FAM135B: variants seen among roughly 807,000 people sequenced by gnomAD.
The protein encoded by FAM135B is protein FAM135B.
FAM135B carries 43 observed loss-of-function variants against 127.7 expected under a neutral mutation model. The ratio of observed to expected loss-of-function variants is 0.34; its 90% confidence interval spans 0.26 to 0.43. FAM135B has a LOEUF of 0.43. Among genes scored for constraint, FAM135B ranks in the 20% least tolerant of loss-of-function variants. The pLI is 1.00. For synonymous variants in FAM135B, 670 were observed against 665.1 expected (o/e 1.01, Z -0.11); for missense variants, 1,558 against 1,725.6 (o/e 0.90, Z 1.72).
At chr8:138,348,501 T>C (rs1829566214) in intron 2 of FAM135B, among the ~76,000 whole-genome samples, 1 of 152,260 alleles carries the variant, frequency 6.6e-6, no homozygotes. Flanking sequence ...ATAAACACTT[T>C]ATAAACAACA....
rs1832560541 is a variant in FAM135B at position 138,391,315 on chromosome 8, A to AG, written c.-19-23314dup. 5.9e-5 allele frequency among the ~76,000 whole-genome samples: 9 copies of AG among 152,144 alleles called. No individual in the cohort carries two copies. In the South Asian group the frequency reaches 1.9e-3, roughly 32 times the overall value. On this transcript the variant is annotated intron_variant, in intron 1 of 19. Transcript: ENST00000395297. ...TTTACAGAGGAGGATCCAGGGCTAC[A>AG]GAGCCCCCAGGACTGGCCTCTCCCC...
chr8:138,449,076 G>A (rs1309568356), intron 1 of FAM135B, among the ~76,000 whole-genome samples: 3 of 151,966 alleles, frequency 2.0e-5, no homozygotes, highest in Non-Finnish European at 2.9e-5. Context: ...ATAAATTGAC[G>A]CCACATCAGG....
intron 1 of FAM135B, among the ~76,000 whole-genome samples, chr8:138,464,509 C>T (rs1218082163): frequency 6.6e-6 from 1 of 152,198 alleles, no homozygotes; most frequent in Non-Finnish European, 1.5e-5. Flanking sequence ...TCTCCATAGA[C>T]AGAGTCCTCT....
At chr8:138,277,983 T>G (rs2130721202) in intron 3 of FAM135B, among the ~76,000 whole-genome samples, 1 of 152,198 alleles carries the variant, frequency 6.6e-6, no homozygotes, top group East Asian at 2.0e-4. Context: ...TCCTCATTAG[T>G]GTCACCTGTT....
rs189828958 is a variant in FAM135B, at chr8:138,303,723, T to C, written c.157+7118A>G. Among the ~76,000 whole-genome samples the C allele has an allele frequency of 1.1e-3, 167 of 152,340 alleles. 2 individuals are homozygous for C. The East Asian group carries it at 0.026, about 24-fold the overall frequency. ...GGCAGGGGGTGGTGCAAGGCTGTGG[T>C]GTCCTGGTGCGTGCACCTGTGCATG... is the stretch of plus-strand genomic sequence containing the variant. On this transcript the variant is annotated intron_variant, in intron 3 of 19. Coordinates refer to ENST00000395297, the MANE Select transcript of FAM135B (RefSeq NM_015912.4).
chr8:138,215,714 A>G (rs1818491998), intron 7 of FAM135B, among the ~76,000 whole-genome samples: 1 of 152,232 alleles, frequency 6.6e-6, no homozygotes, highest in Non-Finnish European at 1.5e-5. Context: ...ATACATCAAT[A>G]ATAATTGTCA....
chr8:138,427,053 T>C (rs897920499), intron 1 of FAM135B, among the ~76,000 whole-genome samples: 1 of 151,954 alleles, frequency 6.6e-6, no homozygotes, highest in Non-Finnish European at 1.5e-5. Context: ...AGAAAAAATA[T>C]ATACTGTCTG....
chr8:138,349,898 T>C (rs1829664264), intron 2 of FAM135B, among the ~76,000 whole-genome samples: 1 of 152,216 alleles, frequency 6.6e-6, no homozygotes, highest in Admixed American at 6.5e-5. Context: ...AGACAAATTA[T>C]GGGATAAACA....
intron 7 of FAM135B, among the ~76,000 whole-genome samples, chr8:138,236,556 G>C (rs1251572136): frequency 4.6e-5 from 7 of 152,240 alleles, no homozygotes; most frequent in Admixed American, 3.3e-4. Flanking sequence ...CAGGCTCACT[G>C]ATTTAAAACT....
chr8:138,250,684 T>C (rs1480844416), intron 6 of FAM135B, among the ~76,000 whole-genome samples, 157 bp downstream of exon 6: 2 of 152,026 alleles, frequency 1.3e-5, no homozygotes, highest in Non-Finnish European at 2.9e-5. Flanking sequence ...CTCCTTCCTC[T>C]CTCGCATGCT....
chr8:138,288,034 A>C (rs1028729088), intron 3 of FAM135B, among the ~76,000 whole-genome samples: 6 of 152,234 alleles, frequency 3.9e-5, no homozygotes, highest in Admixed American at 6.5e-5. Flanking sequence ...TGAAATTACC[A>C]CATAATTATC....
chr8:138,444,387 C>G (rs1835983109), intron 1 of FAM135B, among the ~76,000 whole-genome samples: 1 of 152,124 alleles, frequency 6.6e-6, no homozygotes, highest in African/African-American at 2.4e-5. Flanking sequence ...CCAAAATTGA[C>G]CACATAGTTG....
intron 3 of FAM135B, among the ~76,000 whole-genome samples, chr8:138,293,040 T>A (rs943347232): frequency 2.0e-5 from 3 of 152,134 alleles, no homozygotes; most frequent in Non-Finnish European, 4.4e-5. Context: ...ATGGTACTGC[T>A]ATAAAAGCAG....
chr8:138,434,699 T>G (rs569196300), intron 1 of FAM135B, among the ~76,000 whole-genome samples: 1 of 152,344 alleles, frequency 6.6e-6, no homozygotes, highest in Non-Finnish European at 1.5e-5. Context: ...TACTGTCATC[T>G]TAGGACACTG....
chr8:138,153,273 T>C, intron 12 of FAM135B, 57 bp from the exon 13 acceptor site: 1 of 1,355,760 alleles, frequency 7.4e-7, no homozygotes, highest in Non-Finnish European at 9.9e-7. Flanking sequence ...TGTTTACAAG[T>C]TATCCAAATG....
intron 1 of FAM135B, among the ~76,000 whole-genome samples, chr8:138,432,471 C>T (rs558467122): frequency 1.3e-5 from 2 of 152,112 alleles, no homozygotes; most frequent in East Asian, 3.9e-4. Flanking sequence ...TCATGGTCTT[C>T]TGTGCAGTCT....
At chr8:138,470,157 T>C (rs1318507890) in intron 1 of FAM135B, among the ~76,000 whole-genome samples, 1 of 152,154 alleles carries the variant, frequency 6.6e-6, no homozygotes. Context: ...GAAAGAAGCA[T>C]TGACTCTCAG....
Position 138,256,736 on chromosome 8 carries a change from T to C in FAM135B, c.321A>G (p.Val107=), listed in dbSNP as rs1349428960. 1 of 1,613,992 alleles carries C rather than the reference T, an allele frequency of 6.2e-7. No homozygotes were observed. Among genetic ancestry groups the C allele is most frequent in the East Asian group, 2.2e-5 (1 of 44,852 alleles). ...GCAGATCCACCTTGAGTTGAAAATC[T>C]ACTTCACTCAGTGCGTCTTCCATCT... ...GERMEDALSE[V]DFQLKVDLHF... is the part of the protein sequence containing the mutation. The change falls in exon 5 of 20, where the codon GTA becomes GTG. Residue 107 remains valine (V), a synonymous_variant. Coordinates refer to ENST00000395297, the MANE Select transcript of FAM135B (RefSeq NM_015912.4).
At chr8:138,202,348 C>A (rs950032903) in intron 7 of FAM135B, among the ~76,000 whole-genome samples, 1 of 152,010 alleles carries the variant, frequency 6.6e-6, no homozygotes, top group Non-Finnish European at 1.5e-5. Context: ...CTCCTAAGAG[C>A]AAGTGATCCT....
Sources: allele counts gnomAD v4.1 joint callset (sites outside exome capture counted in the v4.1 genomes callset), GRCh38; gene constraint gnomAD v4.1.1; transcripts MANE v1.5; gene names NCBI Gene and HGNC (gene_info 2026-07-23, HGNC 2026-07-21).